SLC4A1AP: variants seen among roughly 807,000 people sequenced by gnomAD.
SLC4A1AP encodes kanadaptin.
In SLC4A1AP, 64 loss-of-function variants were observed where a neutral mutation model predicts 89.7. That is an observed-to-expected ratio of 0.71 (90% CI 0.58 to 0.88). SLC4A1AP has a LOEUF of 0.88. Ranked by LOEUF, SLC4A1AP falls within the 40% of genes least tolerant of loss-of-function variation. The probability of loss-of-function intolerance (pLI) is 0.00; values close to 1 mark genes in which losing one functional copy is unlikely to be tolerated. For synonymous variants in SLC4A1AP, 366 were observed against 353.3 expected, an observed-to-expected ratio of 1.04 and a Z score of -0.40; for missense variants, 931 against 965.0, an observed-to-expected ratio of 0.96 and a Z score of 0.47.
chr2:27,683,546 C>G (rs891176065), intron 9 of SLC4A1AP, among the ~76,000 whole-genome samples: 15 of 152,122 alleles, frequency 9.9e-5, no homozygotes, highest in Admixed American at 7.2e-4. Flanking sequence ...ATGAGTCATA[C>G]TGAGTTAGGG....
chr2:27,678,662 A>AT (rs1675562826), intron 8 of SLC4A1AP, among the ~76,000 whole-genome samples: 1 of 152,172 alleles, frequency 6.6e-6, no homozygotes, highest in South Asian at 2.1e-4. Context: ...AGCATCTTTT[A>AT]TACAAAGATG....
chr2:27,674,950 C>T (rs936183754), intron 5 of SLC4A1AP, among the ~76,000 whole-genome samples: 2 of 152,092 alleles, frequency 1.3e-5, no homozygotes, highest in Non-Finnish European at 2.9e-5. Flanking sequence ...GCGATCCATC[C>T]CCCTTCAGCC....
chr2:27,694,155 A>G (rs1423483422), intron 13 of SLC4A1AP, among the ~76,000 whole-genome samples: 1 of 152,176 alleles, frequency 6.6e-6, no homozygotes. Context: ...TCCTCACAAG[A>G]CAACCAATTG....
At chr2:27,693,750 T>A (rs779396626) in exon 13 of SLC4A1AP, 19 of 1,609,760 alleles carry the variant, frequency 1.2e-5, no homozygotes, top group Non-Finnish European at 1.5e-5. Context: ...GGGTCCCACC[T>A]GAAGGTAGAT....
chr2:27,667,211 T>C lies in SLC4A1AP; in HGVS notation c.1022-57T>C. 1.9e-6 allele frequency: 3 copies of C among 1,557,058 alleles called. No homozygotes were observed. The South Asian group carries it at 3.5e-5, about 18-fold the overall frequency. ...CAGCCTGAGAGAATAGTGGGTATCA[T>C]TCAAATAGTCTCTTCTCATGTCTGA... On this transcript the variant is annotated intron_variant, in intron 2 of 13. Transcript: ENST00000613058.
At chr2:27,664,211 C>G (rs368284380) in exon 1 of SLC4A1AP, 16 of 1,614,128 alleles carry the variant, frequency 9.9e-6, no homozygotes, top group Middle Eastern at 3.3e-4. Context: ...GGGCTCCCCC[C>G]TACCAAGAGC....
chr2:27,694,496 A>G (rs979322474), intron 13 of SLC4A1AP, 138 bp from the exon 14 acceptor site: 2 of 504,380 alleles, frequency 4.0e-6, no homozygotes, highest in Non-Finnish European at 6.7e-6. Flanking sequence ...TTGAAATTTC[A>G]TACAAAAAGT....
intron 1 of SLC4A1AP, among the ~76,000 whole-genome samples, chr2:27,664,847 C>T (rs1387901434): frequency 6.6e-6 from 1 of 151,650 alleles, no homozygotes; most frequent in African/African-American, 2.4e-5. Context: ...GCGGGAGGAT[C>T]GCTTTAGCCC....
rs199955720 is a variant in SLC4A1AP, at chr2:27,682,244, C to T, written c.1764-4C>T. 448 of 1,595,502 alleles carry T rather than the reference C, an allele frequency of 2.8e-4. No homozygotes were observed. In the African/African-American group the frequency reaches 5.2e-3, roughly 19 times the overall value. ...AGATGTGTATAATTATTCTTTCTTCCTAGGACTGAAACTCAGACTACAGGT... is the reference window on the plus strand; with the variant it reads ...AGATGTGTATAATTATTCTTTCTTCTTAGGACTGAAACTCAGACTACAGGT... On this transcript the variant is annotated splice_polypyrimidine_tract_variant and splice_region_variant and intron_variant, in intron 8 of 13. Coordinates refer to ENST00000613058, the Ensembl canonical transcript of SLC4A1AP.
At position 27,669,429 on chromosome 2, in the gene SLC4A1AP, G is replaced by T. The variant is rs372120659; in HGVS notation, c.1345+42G>T. 2.2e-4 allele frequency: 320 copies of T among 1,453,918 alleles called. 1 individual carries two copies. Among genetic ancestry groups the T allele is most frequent in the South Asian group, 3.3e-4 (22 of 65,848 alleles). The allele number at this position is 1,453,918 out of a possible 1,614,324, so 90.1% of individuals were successfully genotyped here. A position where few individuals can be genotyped will look rare whatever the true frequency, so the allele number is the denominator to read the frequency against. Reference sequence around the variant, plus strand: ...CCTTTTTTTCTAGATTTAAAAAAAGGAAAACTCAACACAAACGCTAATAAA... The same window carrying T: ...CCTTTTTTTCTAGATTTAAAAAAAGTAAAACTCAACACAAACGCTAATAAA... On this transcript the variant is annotated intron_variant, in intron 5 of 13. Coordinates refer to ENST00000613058, the Ensembl canonical transcript of SLC4A1AP.
intron 8 of SLC4A1AP, among the ~76,000 whole-genome samples, chr2:27,679,839 GA>G (rs1233720630): frequency 6.6e-6 from 1 of 152,288 alleles, no homozygotes; most frequent in East Asian, 1.9e-4. Flanking sequence ...CCTAAAAACA[GA>G]CTGAATCGGA....
At chr2:27,677,983 A>C in intron 8 of SLC4A1AP, 59 bp downstream of exon 8, 2 of 1,119,818 alleles carry the variant, frequency 1.8e-6, no homozygotes, top group Non-Finnish European at 2.5e-6. Context: ...TAACATTTTC[A>C]ATTATCGCTT....
intron 12 of SLC4A1AP, chr2:27,692,718 G>A (rs1367411796): frequency 6.6e-6 from 1 of 151,966 alleles, no homozygotes; most frequent in Non-Finnish European, 1.5e-5. Context: ...TTGTTGGGTT[G>A]ATCCTTTTAT....
Position 27,677,309 on chromosome 2 carries a change from T to A in SLC4A1AP, c.1521T>A (p.Asn507Lys). The A allele has an allele frequency of 3.1e-6, 5 of 1,613,200 alleles. No homozygotes were observed. The highest frequency in any genetic ancestry group is 4.2e-6 in the Non-Finnish European group (5 of 1,179,426). ...GGGTGTTACAGGTTGCAAAATTAAA[T>A]GATGCTGAAAGGGAACTTTCTGAAA... Residue 507 changes from asparagine to lysine, a missense_variant, in exon 7 of 14, where the codon AAT becomes AAA. Coordinates refer to ENST00000613058, the Ensembl canonical transcript of SLC4A1AP.
exon 6 of SLC4A1AP, chr2:27,675,581 T>C (rs543784509): frequency 2.5e-6 from 4 of 1,608,952 alleles, no homozygotes; most frequent in Non-Finnish European, 3.4e-6. Flanking sequence ...ACTTTTATGA[T>C]AGTGATGATG....
At chr2:27,679,581 G>A (rs2148136358) in intron 8 of SLC4A1AP, among the ~76,000 whole-genome samples, 1 of 152,142 alleles carries the variant, frequency 6.6e-6, no homozygotes, top group African/African-American at 2.4e-5. Flanking sequence ...TAGCCTGGGC[G>A]ACAGAGCGAG....
chr2:27,664,127 C>A lies in SLC4A1AP; in HGVS notation c.375C>A (p.Cys125Ter). ...ACATCCCTCCTCCTCAGCCGGACTG[C>A]GGTGATTTTAGGAGTCTACAGGAGG... Residue 125 changes from cysteine to a stop codon, truncating the protein, a stop_gained, in exon 1 of 14, where the codon TGC (cysteine) becomes TGA (stop). Transcript: ENST00000613058. LOFTEE classifies it high-confidence loss of function. 1 of 1,614,178 alleles carries A rather than the reference C, an allele frequency of 6.2e-7. No homozygotes were observed. Among genetic ancestry groups the A allele is most frequent in the Non-Finnish European group, 8.5e-7 (1 of 1,180,040 alleles).
chr2:27,668,150 G>C (rs1675364075), intron 3 of SLC4A1AP, among the ~76,000 whole-genome samples: 1 of 150,586 alleles, frequency 6.6e-6, no homozygotes, highest in Non-Finnish European at 1.5e-5. Flanking sequence ...ATGGGAACTT[G>C]TTCTTTTTTT....
At chr2:27,669,586 G>C (rs1220803721) in intron 5 of SLC4A1AP, among the ~76,000 whole-genome samples, 199 bp downstream of exon 5, 1 of 152,136 alleles carries the variant, frequency 6.6e-6, no homozygotes, top group Non-Finnish European at 1.5e-5. Context: ...GATGTGTGCT[G>C]AGACCTAGAT....
Sources: allele counts gnomAD v4.1 joint callset (sites outside exome capture counted in the v4.1 genomes callset), GRCh38; gene constraint gnomAD v4.1.1; transcripts MANE v1.5; gene names NCBI Gene and HGNC (gene_info 2026-07-23, HGNC 2026-07-21).